The following TTBK2 variants were observed in gnomAD, a reference collection of about 807,000 sequenced individuals.
TTBK2 encodes the protein tau tubulin kinase 2.
In TTBK2, 28 loss-of-function variants were observed where a neutral mutation model predicts 110.8. The ratio of observed to expected loss-of-function variants is 0.25; its 90% CI spans 0.19 to 0.35. TTBK2 has a LOEUF of 0.35. Among genes scored for constraint, TTBK2 ranks in the 10% least tolerant of loss-of-function variants. The pLI, the probability that TTBK2 is intolerant of heterozygous loss-of-function variation, is 1.00. For missense variants in TTBK2, 1,369 were observed against 1,500.3 expected (o/e 0.91, Z 1.45); for synonymous variants, 532 against 527.3 (o/e 1.01, Z -0.12).
At chr15:42,771,345 G>A (rs1889668645) in intron 13 of TTBK2, among the ~76,000 whole-genome samples, 1 of 152,140 alleles carries the variant, frequency 6.6e-6, no homozygotes, top group Non-Finnish European at 1.5e-5. Flanking sequence ...AGAAAATAAA[G>A]ATATCCAAAA....
intron 2 of TTBK2, among the ~76,000 whole-genome samples, chr15:42,874,776 AG>A (rs1167031006): frequency 6.6e-6 from 1 of 151,022 alleles, no homozygotes; most frequent in African/African-American, 2.4e-5. Flanking sequence ...TCATGAAGTC[AG>A]GAGTTTGAGA....
intron 3 of TTBK2, among the ~76,000 whole-genome samples, chr15:42,855,962 G>A (rs1274442682): frequency 2.0e-5 from 3 of 152,196 alleles, no homozygotes; most frequent in Admixed American, 1.3e-4. Flanking sequence ...GATTACAGGC[G>A]TGAGCCACCA....
chr15:42,819,323 C>T (rs1892188053), intron 6 of TTBK2, among the ~76,000 whole-genome samples: 1 of 148,964 alleles, frequency 6.7e-6, no homozygotes, highest in African/African-American at 2.5e-5. Context: ...AAAAATTAGC[C>T]AGGCAACAGA....
intron 1 of TTBK2, among the ~76,000 whole-genome samples, chr15:42,900,669 G>A (rs1019812286): frequency 2.6e-5 from 4 of 151,946 alleles, no homozygotes; most frequent in African/African-American, 9.7e-5. Flanking sequence ...TTGCAGCAGT[G>A]AGCCGAGATC....
intron 9 of TTBK2, among the ~76,000 whole-genome samples, chr15:42,799,197 G>A (rs770433342): frequency 2.6e-5 from 4 of 151,888 alleles, no homozygotes; most frequent in Non-Finnish European, 5.9e-5. Flanking sequence ...GTGAAACCCC[G>A]TCTCTACTAA....
intron 10 of TTBK2, among the ~76,000 whole-genome samples, chr15:42,785,267 G>A (rs552468012): frequency 4.7e-4 from 72 of 152,060 alleles, no homozygotes; most frequent in Admixed American, 9.8e-4. Context: ...TTACAGGCAT[G>A]CACCACCATG....
intron 13 of TTBK2, among the ~76,000 whole-genome samples, chr15:42,765,609 C>T (rs908435555): frequency 1.1e-4 from 17 of 152,082 alleles, no homozygotes; most frequent in Non-Finnish European, 2.9e-5. Context: ...CAAGAAATAT[C>T]GGACTATGTG....
Position 42,740,904 on chromosome 15 carries a change from C to T in TTBK2, c.*4891G>A, listed in dbSNP as rs187931844. 10 of 152,314 alleles carry T rather than the reference C, an allele frequency of 6.6e-5. No individual in the cohort carries two copies. The highest frequency in any genetic ancestry group is 1.3e-4 in the Admixed American group (2 of 15,296). The allele number at this position is 152,314 out of a possible 1,614,324, so 9.4% of individuals were successfully genotyped here. A position where few individuals can be genotyped will look rare whatever the true frequency, so the allele number is the denominator to read the frequency against. Reference sequence around the variant, plus strand: ...TGAGCTGCTCTAGAAAACTAAAGGACGAAAACTTTACTGTCATAATTCCAA... The same window carrying T: ...TGAGCTGCTCTAGAAAACTAAAGGATGAAAACTTTACTGTCATAATTCCAA... On this transcript the variant is annotated 3_prime_UTR_variant, in exon 15 of 15. Coordinates refer to ENST00000267890, the MANE Select transcript of TTBK2 (RefSeq NM_173500.4).
chr15:42,895,852 T>C (rs1596034317), intron 1 of TTBK2, among the ~76,000 whole-genome samples: 1 of 151,726 alleles, frequency 6.6e-6, no homozygotes, highest in South Asian at 2.1e-4. Flanking sequence ...AAAGATTCCA[T>C]TACCACTATC....
intron 9 of TTBK2, among the ~76,000 whole-genome samples, chr15:42,795,296 A>G (rs1281184880): frequency 6.6e-6 from 1 of 150,916 alleles, no homozygotes; most frequent in Non-Finnish European, 1.5e-5. Context: ...TTCTTAAAAT[A>G]TGTGTGTGCA....
intron 13 of TTBK2, among the ~76,000 whole-genome samples, chr15:42,760,252 G>T (rs1297371227): frequency 1.3e-5 from 2 of 151,938 alleles, no homozygotes; most frequent in African/African-American, 4.8e-5. Flanking sequence ...CAGGTGTGGT[G>T]GTGGGCACCT....
intron 4 of TTBK2, 97 bp downstream of exon 4, chr15:42,840,263 G>T: frequency 1.9e-6 from 2 of 1,035,676 alleles, no homozygotes; most frequent in African/African-American, 1.6e-5. Flanking sequence ...TTCTCACATG[G>T]TACTAAGATT....
intron 9 of TTBK2, among the ~76,000 whole-genome samples, chr15:42,806,436 C>T (rs1225954897): frequency 2.0e-5 from 3 of 152,196 alleles, no homozygotes; most frequent in East Asian, 1.9e-4. Context: ...TCACCATGCT[C>T]CTGTTTATAA....
At chr15:42,916,467 C>T (rs1161850816) in intron 1 of TTBK2, among the ~76,000 whole-genome samples, 1 of 152,182 alleles carries the variant, frequency 6.6e-6, no homozygotes, top group Non-Finnish European at 1.5e-5. Context: ...GCTGAGATTA[C>T]AGGTGCATGC....
intron 1 of TTBK2, among the ~76,000 whole-genome samples, chr15:42,915,125 C>T (rs759111249): frequency 5.9e-5 from 9 of 152,332 alleles, no homozygotes; most frequent in Non-Finnish European, 1.2e-4. Flanking sequence ...CCGTGGTCAA[C>T]CACAGTCCAA....
chr15:42,749,182 C>T (rs986392499), intron 14 of TTBK2, among the ~76,000 whole-genome samples: 2 of 152,132 alleles, frequency 1.3e-5, no homozygotes, highest in South Asian at 2.1e-4. Context: ...TTGCCCACTC[C>T]GTAGATGAGG....
intron 3 of TTBK2, among the ~76,000 whole-genome samples, chr15:42,869,673 C>G (rs1894534580): frequency 6.6e-6 from 1 of 151,962 alleles, no homozygotes; most frequent in African/African-American, 2.4e-5. Flanking sequence ...GGCGAAGAGA[C>G]ACACATAAAT....
intron 9 of TTBK2, among the ~76,000 whole-genome samples, chr15:42,808,505 G>A (rs1433020492): frequency 6.6e-6 from 1 of 151,356 alleles, no homozygotes; most frequent in African/African-American, 2.4e-5. Flanking sequence ...GCTGGAGGAG[G>A]TTTATTGTTT....
At chr15:42,815,462 C>G (rs1421091420) in intron 7 of TTBK2, among the ~76,000 whole-genome samples, 2 of 151,984 alleles carry the variant, frequency 1.3e-5, no homozygotes, top group African/African-American at 2.4e-5. Context: ...CCTATTTTAT[C>G]AAGGAATCAC....
Sources: gnomAD v4.1 joint callset for allele counts (sites outside exome capture counted in the v4.1 genomes callset) on GRCh38, gnomAD v4.1.1 for gene constraint, MANE v1.5 for transcripts, NCBI Gene and HGNC (gene_info 2026-07-23, HGNC 2026-07-21) for gene names.